Variants in PALLD observed in about 807,000 individuals in gnomAD.
The protein encoded by PALLD is palladin.
PALLD carries 61 observed loss-of-function variants against 123.5 expected under a neutral mutation model. The observed-to-expected ratio is 0.49, with a 90% CI of 0.40 to 0.61. PALLD has a LOEUF of 0.61. Among genes scored for constraint, PALLD ranks in the 20% least tolerant of loss-of-function variants. PALLD has a pLI of 0.00. For missense variants in PALLD, 1,273 were observed against 1,377.0 expected (o/e 0.92, Z 1.20); for synonymous variants, 465 against 496.4 (o/e 0.94, Z 0.84).
At chr4:168,603,886 G>A (rs2149735684) in intron 2 of PALLD, among the ~76,000 whole-genome samples, 1 of 152,274 alleles carries the variant, frequency 6.6e-6, no homozygotes, top group East Asian at 1.9e-4. Flanking sequence ...CTCAGTGAAT[G>A]GATATACACA....
chr4:168,583,513 G>T (rs1271657916), intron 2 of PALLD, among the ~76,000 whole-genome samples: 3 of 152,110 alleles, frequency 2.0e-5, no homozygotes, highest in Non-Finnish European at 4.4e-5. Flanking sequence ...CACACTTGGA[G>T]TAGAAAGGTT....
At chr4:168,794,506 G>GCACACACACACACA (rs57496563) in intron 10 of PALLD, among the ~76,000 whole-genome samples, 2 of 143,848 alleles carry the variant, frequency 1.4e-5, no homozygotes, top group East Asian at 2.1e-4. Context: ...ACACACACAC[G>GCACACACACACACA]CACACACACA....
chr4:168,810,598 G>A (rs28567534), intron 10 of PALLD, among the ~76,000 whole-genome samples: 81,628 of 150,794 alleles, frequency 0.54, 22,894 homozygotes, highest in Non-Finnish European at 0.63. Flanking sequence ...AGCCGAGATC[G>A]CACCATTGCA....
intron 14 of PALLD, among the ~76,000 whole-genome samples, chr4:168,900,468 T>C (rs1343209720): frequency 2.6e-5 from 4 of 152,150 alleles, no homozygotes; most frequent in Non-Finnish European, 5.9e-5. Flanking sequence ...AAAATAAGCA[T>C]AGAGCAATGT....
At chr4:168,743,384 A>G (rs1377833532) in intron 10 of PALLD, among the ~76,000 whole-genome samples, 1 of 152,232 alleles carries the variant, frequency 6.6e-6, no homozygotes, top group Non-Finnish European at 1.5e-5. Context: ...TGTCTAAGAC[A>G]GAAACTTAAT....
intron 18 of PALLD, among the ~76,000 whole-genome samples, chr4:168,923,064 A>G (rs1453421875): frequency 2.0e-5 from 3 of 152,242 alleles, no homozygotes; most frequent in African/African-American, 7.2e-5. Context: ...GCTCTGCATA[A>G]CTAGTACCCT....
At chr4:168,725,147 G>C (rs1786421920) in intron 10 of PALLD, among the ~76,000 whole-genome samples, 2 of 152,214 alleles carry the variant, frequency 1.3e-5, no homozygotes, top group South Asian at 4.1e-4. Flanking sequence ...ACTAACAGTT[G>C]AATGCCTAGC....
intron 2 of PALLD, chr4:168,537,595 T>C (rs1381332200): frequency 6.6e-6 from 1 of 152,232 alleles, no homozygotes; most frequent in African/African-American, 2.4e-5. Flanking sequence ...TATTGAATCA[T>C]ACTTACACTA....
intron 5 of PALLD, 119 bp from the exon 6 acceptor site, chr4:168,685,366 G>A (rs1781932194): frequency 6.5e-6 from 5 of 764,226 alleles, no homozygotes; most frequent in African/African-American, 3.4e-5. Context: ...ATGTATGGTG[G>A]TACTTTCATT....
intron 2 of PALLD, among the ~76,000 whole-genome samples, chr4:168,546,654 C>G (rs552338790): frequency 6.6e-6 from 1 of 152,222 alleles, no homozygotes; most frequent in South Asian, 2.1e-4. Flanking sequence ...AAAGTTGGTC[C>G]AGTATAACCC....
chr4:168,685,474 T>C lies in PALLD; in HGVS notation c.1261-11T>C, dbSNP rs373683434. The C allele has an allele frequency of 3.2e-6, 5 of 1,584,526 alleles. No individual in the cohort carries two copies. The highest frequency in any genetic ancestry group is 4.3e-6 in the Non-Finnish European group (5 of 1,153,288). On this transcript the variant is annotated splice_polypyrimidine_tract_variant and intron_variant, in intron 5 of 21. Coordinates refer to ENST00000505667, the MANE Select transcript of PALLD (RefSeq NM_001166108.2). ...ATTTAGAATTTGATCCATATGTCTC[T>C]GCTTTTGCAGGTTCACAGTCCAACT...
rs1778072633 is a variant in PALLD at position 168,651,815 on chromosome 4, G to A, written c.909-16375G>A. On this transcript the variant is annotated intron_variant, in intron 2 of 21. Transcript: ENST00000505667. ...AGGTTATAACCATGAATATCTGCAT[G>A]TTATGTTTACTTGAACAAAAATGCA... Among the ~76,000 whole-genome samples, 3 of 152,280 alleles carry A rather than the reference G, an allele frequency of 2.0e-5. No individual in the cohort carries two copies. The South Asian group carries it at 6.2e-4, about 32-fold the overall frequency.
At chr4:168,599,603 T>C (rs1167899885) in intron 2 of PALLD, among the ~76,000 whole-genome samples, 1 of 152,098 alleles carries the variant, frequency 6.6e-6, no homozygotes, top group Non-Finnish European at 1.5e-5. Context: ...TATGTAGTTA[T>C]TAAAAAGAGC....
chr4:168,502,149 T>A (rs1447539988), intron 1 of PALLD, among the ~76,000 whole-genome samples: 1 of 152,018 alleles, frequency 6.6e-6, no homozygotes, highest in East Asian at 1.9e-4. Context: ...GCTGACTGAA[T>A]AAAACAATGA....
intron 15 of PALLD, among the ~76,000 whole-genome samples, chr4:168,911,772 G>T (rs1179064673): frequency 6.6e-6 from 1 of 152,220 alleles, no homozygotes; most frequent in South Asian, 2.1e-4. Flanking sequence ...ATCTGAGCTA[G>T]AAATAATTCT....
chr4:168,599,018 C>A (rs1328664583), intron 2 of PALLD, among the ~76,000 whole-genome samples: 1 of 152,090 alleles, frequency 6.6e-6, no homozygotes, highest in Non-Finnish European at 1.5e-5. Context: ...TATATTGAAA[C>A]TTTCTAAAAG....
intron 18 of PALLD, 62 bp downstream of exon 18, chr4:168,921,803 C>G: frequency 1.6e-6 from 2 of 1,263,252 alleles, no homozygotes; most frequent in African/African-American, 1.5e-5. Context: ...CAAATGTAAA[C>G]TAATTCTACA....
At chr4:168,719,252 CTTTT>C (rs869040811) in intron 10 of PALLD, among the ~76,000 whole-genome samples, 2,870 of 85,674 alleles carry the variant, frequency 0.033, 120 homozygotes, top group East Asian at 0.32. Context: ...AAGTAATCTT[CTTTT>C]TTTTTTTTTT....
At chr4:168,534,344 G>C (rs1375686563) in intron 2 of PALLD, among the ~76,000 whole-genome samples, 1 of 152,212 alleles carries the variant, frequency 6.6e-6, no homozygotes, top group Non-Finnish European at 1.5e-5. Context: ...GTTCATCTGA[G>C]AGTCAGTCAG....
Sources: allele counts gnomAD v4.1 joint callset (sites outside exome capture counted in the v4.1 genomes callset), GRCh38; gene constraint gnomAD v4.1.1; transcripts MANE v1.5; gene names NCBI Gene and HGNC (gene_info 2026-07-23, HGNC 2026-07-21).